HECW2: variants seen among roughly 807,000 people sequenced by gnomAD.
HECW2 encodes E3 ubiquitin-protein ligase HECW2.
HECW2 carries 61 observed loss-of-function variants against 175.2 expected under a neutral mutation model. The ratio of observed to expected loss-of-function variants is 0.35; its 90% CI spans 0.28 to 0.43. The LOEUF is 0.43. HECW2 is among the 20% of genes least tolerant of loss of function. The pLI is 1.00. For missense variants in HECW2, 1,524 were observed against 2,000.5 expected, an observed-to-expected ratio of 0.76 and a Z score of 4.54; for synonymous variants, 671 against 731.0, an observed-to-expected ratio of 0.92 and a Z score of 1.32.
intron 13 of HECW2, among the ~76,000 whole-genome samples, chr2:196,300,795 T>C (rs1691019246): frequency 6.6e-6 from 1 of 152,226 alleles, no homozygotes; most frequent in African/African-American, 2.4e-5. Context: ...TACACACACT[T>C]TTTTCTCCAG....
At chr2:196,592,796 A>C (rs2125542834) in intron 1 of HECW2, 1 of 151,612 alleles carries the variant, frequency 6.6e-6, no homozygotes, top group South Asian at 2.1e-4. Flanking sequence ...CGTCGCCACA[A>C]GCTGCGGGTG....
At chr2:196,479,018 C>T (rs779030708) in intron 1 of HECW2, among the ~76,000 whole-genome samples, 4 of 152,192 alleles carry the variant, frequency 2.6e-5, no homozygotes, top group Non-Finnish European at 4.4e-5. Flanking sequence ...TAATTCAGAA[C>T]AATACAGTAG....
chr2:196,258,685 T>C (rs1689165073), intron 17 of HECW2, among the ~76,000 whole-genome samples: 1 of 152,208 alleles, frequency 6.6e-6, no homozygotes, highest in African/African-American at 2.4e-5. Context: ...TCCTAGTTGC[T>C]TTCTTCCCTT....
chr2:196,286,387 CAT>C (rs201658582), intron 14 of HECW2, among the ~76,000 whole-genome samples: 7 of 137,574 alleles, frequency 5.1e-5, no homozygotes, highest in Admixed American at 7.2e-5. Context: ...AGATGGAGGT[CAT>C]ATATATATAT....
At chr2:196,582,551 CA>C (rs1690827163) in intron 1 of HECW2, among the ~76,000 whole-genome samples, 2 of 152,218 alleles carry the variant, frequency 1.3e-5, no homozygotes, top group South Asian at 4.1e-4. Context: ...GATTTTAAAT[CA>C]GGCCATCAAA....
Position 196,486,575 on chromosome 2 carries a change from C to T in HECW2, c.-35-53117G>A, listed in dbSNP as rs545777853. 7.9e-5 allele frequency among the ~76,000 whole-genome samples: 12 copies of T among 152,222 alleles called. No homozygotes were observed. In the South Asian group the frequency reaches 2.1e-3, roughly 26 times the overall value. The stretch of plus-strand genomic sequence containing the variant: ...CAACACTGAGCCTCCTCTATGGGCC[C>T]GGGGTGTGGGTGGCAGCCCTCCCCT... On this transcript the variant is annotated intron_variant, in intron 1 of 28. Coordinates refer to ENST00000644978, the MANE Select transcript of HECW2 (RefSeq NM_001348768.2).
intron 1 of HECW2, among the ~76,000 whole-genome samples, chr2:196,530,363 C>T (rs1688801230): frequency 6.6e-6 from 1 of 152,198 alleles, no homozygotes; most frequent in African/African-American, 2.4e-5. Context: ...CCAAACTCCT[C>T]TCCATGAAGT....
chr2:196,262,512 A>G (rs1689338690), intron 17 of HECW2, among the ~76,000 whole-genome samples: 2 of 152,150 alleles, frequency 1.3e-5, no homozygotes. Context: ...CTAGTGAGGT[A>G]CAACTTAAAT....
chr2:196,513,404 G>A (rs914267057), intron 1 of HECW2, among the ~76,000 whole-genome samples: 6 of 152,192 alleles, frequency 3.9e-5, no homozygotes. Flanking sequence ...AGCTACTCAG[G>A]AGGCTGAGGT....
At chr2:196,452,326 T>C (rs1350094573) in intron 1 of HECW2, among the ~76,000 whole-genome samples, 3 of 152,218 alleles carry the variant, frequency 2.0e-5, no homozygotes, top group Non-Finnish European at 2.9e-5. Flanking sequence ...AAATAATACA[T>C]ACTATTAAAA....
intron 28 of HECW2, among the ~76,000 whole-genome samples, chr2:196,215,606 A>G (rs1687449127): frequency 6.6e-6 from 1 of 152,178 alleles, no homozygotes; most frequent in East Asian, 1.9e-4. Context: ...ATGATAACCA[A>G]CGTCGCTTTA....
chr2:196,332,911 G>T (rs758852550), intron 4 of HECW2, among the ~76,000 whole-genome samples: 20 of 151,960 alleles, frequency 1.3e-4, no homozygotes, highest in Non-Finnish European at 2.6e-4. Context: ...GTAAATGTAG[G>T]CTTCTCTTCT....
At chr2:196,279,905 C>A (rs1391725753) in intron 14 of HECW2, among the ~76,000 whole-genome samples, 2 of 152,198 alleles carry the variant, frequency 1.3e-5, no homozygotes, top group Non-Finnish European at 2.9e-5. Context: ...TCTCTGATAA[C>A]ATGAAATCAT....
intron 1 of HECW2, among the ~76,000 whole-genome samples, chr2:196,573,914 T>C (rs1575687265): frequency 6.6e-6 from 1 of 151,228 alleles, no homozygotes; most frequent in South Asian, 2.1e-4. Flanking sequence ...GACAGGATGG[T>C]GCATGCCTGT....
At chr2:196,256,378 T>C (rs1212439611) in intron 18 of HECW2, among the ~76,000 whole-genome samples, 1 of 152,204 alleles carries the variant, frequency 6.6e-6, no homozygotes, top group Middle Eastern at 3.2e-3. Context: ...TATGTATGAA[T>C]GAGTTCTGAA....
At chr2:196,228,762 C>G (rs1197343733) in intron 21 of HECW2, among the ~76,000 whole-genome samples, 1 of 152,116 alleles carries the variant, frequency 6.6e-6, no homozygotes, top group African/African-American at 2.4e-5. Flanking sequence ...TAAGACATTA[C>G]AGATACAAGT....
At chr2:196,521,282 C>CAAAA (rs1158051512) in intron 1 of HECW2, among the ~76,000 whole-genome samples, 2,368 of 48,168 alleles carry the variant, frequency 0.049, 3 homozygotes, top group Non-Finnish European at 0.081. Context: ...ACGTGAGTAA[C>CAAAA]AAAAAAAAAA....
chr2:196,203,155 G>A (rs1027127352), intron 28 of HECW2, among the ~76,000 whole-genome samples: 7 of 152,048 alleles, frequency 4.6e-5, no homozygotes, highest in African/African-American at 1.4e-4. Flanking sequence ...GAGTTTTAGG[G>A]TATAGAGATA....
intron 2 of HECW2, among the ~76,000 whole-genome samples, chr2:196,397,964 A>T (rs973415338): frequency 6.6e-6 from 1 of 152,240 alleles, no homozygotes; most frequent in South Asian, 2.1e-4. Flanking sequence ...AAGTTCTAAC[A>T]GCCCTGCAGA....
Sources: allele counts gnomAD v4.1 joint callset (sites outside exome capture counted in the v4.1 genomes callset), GRCh38; gene constraint gnomAD v4.1.1; transcripts MANE v1.5; gene names NCBI Gene and HGNC (gene_info 2026-07-23, HGNC 2026-07-21).